MGAT5: variants seen among roughly 807,000 people sequenced by gnomAD.
The protein encoded by MGAT5 is alpha-1,6-mannosylglycoprotein 6-beta-N-acetylglucosaminyltransferase A.
MGAT5 carries 30 observed loss-of-function variants against 94.3 expected under a neutral mutation model. The observed-to-expected ratio is 0.32, with a 90% CI of 0.24 to 0.43. The LOEUF (loss-of-function observed/expected upper bound fraction) is 0.43. Among genes scored for constraint, MGAT5 ranks in the 20% least tolerant of loss-of-function variants. MGAT5 has a pLI of 1.00. For synonymous variants in MGAT5, 310 were observed against 322.9 expected (o/e 0.96, Z 0.43); for missense variants, 691 against 905.5 (o/e 0.76, Z 3.04).
chr2:134,350,057 G>A (rs1165883978), intron 9 of MGAT5, 119 bp downstream of exon 9: 6 of 1,096,136 alleles, frequency 5.5e-6, no homozygotes, highest in East Asian at 2.6e-5. Flanking sequence ...AGTGTGTGCT[G>A]TTGAACCTTT....
chr2:134,367,255 G>A (rs1197729918), intron 10 of MGAT5, among the ~76,000 whole-genome samples: 1 of 152,224 alleles, frequency 6.6e-6, no homozygotes, highest in Non-Finnish European at 1.5e-5. Context: ...ATTGGGGCCA[G>A]ATAGGAAATG....
chr2:134,421,739 G>A (rs1048461047), intron 12 of MGAT5, among the ~76,000 whole-genome samples: 16 of 152,266 alleles, frequency 1.1e-4, no homozygotes, highest in African/African-American at 3.9e-4. Flanking sequence ...ACAGACTAAG[G>A]GTAACATTCT....
intron 4 of MGAT5, among the ~76,000 whole-genome samples, 166 bp from the exon 5 acceptor site, chr2:134,336,051 C>T (rs1300717555): frequency 2.0e-5 from 3 of 151,914 alleles, no homozygotes; most frequent in African/African-American, 7.3e-5. Flanking sequence ...TGAGAGGGCA[C>T]TTGTATCTGG....
At chr2:134,384,462 T>C (rs1012193989) in intron 10 of MGAT5, among the ~76,000 whole-genome samples, 4 of 152,182 alleles carry the variant, frequency 2.6e-5, no homozygotes, top group Admixed American at 2.0e-4. Flanking sequence ...CCTTTGTACA[T>C]AAGAACCAAA....
At chr2:134,402,797 T>C (rs1163139040) in intron 10 of MGAT5, among the ~76,000 whole-genome samples, 191 bp from the exon 11 acceptor site, 1 of 152,228 alleles carries the variant, frequency 6.6e-6, no homozygotes, top group Non-Finnish European at 1.5e-5. Flanking sequence ...TATATGACTG[T>C]TTATGTCCAC....
At chr2:134,207,165 C>A (rs1407508818) in intron 1 of MGAT5, among the ~76,000 whole-genome samples, 7 of 152,154 alleles carry the variant, frequency 4.6e-5, no homozygotes, top group African/African-American at 1.7e-4. Flanking sequence ...CAGTCTTTGA[C>A]ACTTTTTAGA....
At chr2:134,381,540 T>C (rs11897875) in intron 10 of MGAT5, among the ~76,000 whole-genome samples, 1,708 of 13,410 alleles carry the variant, frequency 0.13, 38 homozygotes, top group Middle Eastern at 0.25. Flanking sequence ...GACAGACAGA[T>C]AGATAGATAG....
At chr2:134,163,934 T>C (rs1687853209) in intron 1 of MGAT5, among the ~76,000 whole-genome samples, 1 of 152,208 alleles carries the variant, frequency 6.6e-6, no homozygotes, top group Non-Finnish European at 1.5e-5. Context: ...GGTGCGGAAT[T>C]CAGTTTTAGT....
chr2:134,253,951 C>T (rs977685343), upstream of MGAT5, among the ~76,000 whole-genome samples: 6 of 152,164 alleles, frequency 3.9e-5, no homozygotes, highest in Admixed American at 6.5e-5. Context: ...GCTGACATTC[C>T]GCCAAATATC....
At chr2:134,289,197 C>G (rs150668329) in intron 2 of MGAT5, among the ~76,000 whole-genome samples, 9 of 152,308 alleles carry the variant, frequency 5.9e-5, no homozygotes, top group African/African-American at 2.2e-4. Context: ...AGTCTCTCCT[C>G]TTCCCACATG....
chr2:134,193,979 G>A (rs1342767182), intron 1 of MGAT5, among the ~76,000 whole-genome samples: 1 of 152,166 alleles, frequency 6.6e-6, no homozygotes, highest in Non-Finnish European at 1.5e-5. Context: ...GCTGGACACT[G>A]GTGCCAGATG....
intron 1 of MGAT5, among the ~76,000 whole-genome samples, chr2:134,120,678 T>C (rs1264649608): frequency 6.6e-6 from 1 of 151,058 alleles, no homozygotes; most frequent in Non-Finnish European, 1.5e-5. Context: ...AGATGGGCGC[T>C]CGGACCGCGG....
intron 1 of MGAT5, among the ~76,000 whole-genome samples, chr2:134,184,251 T>A (rs752346036): frequency 6.6e-6 from 1 of 152,224 alleles, no homozygotes; most frequent in Non-Finnish European, 1.5e-5. Context: ...GTTTCAGGGC[T>A]CTTCAAAGTC....
In MGAT5 at chr2:134,441,738, T is replaced by C; in HGVS notation, c.1870-20T>C. The C allele has an allele frequency of 1.3e-6, 2 of 1,599,456 alleles. No homozygotes were observed. The highest frequency in any genetic ancestry group is 1.1e-5 in the South Asian group (1 of 90,266). ...GCTGTATCCTTGGACCTGTGGCTGA[T>C]GGCTTCATTGTCGTTCTAGGACTTC... is the stretch of plus-strand genomic sequence containing the variant. On this transcript the variant is annotated intron_variant, in intron 14 of 15. Coordinates refer to ENST00000281923, the MANE Select transcript of MGAT5 (RefSeq NM_002410.5).
intron 1 of MGAT5, among the ~76,000 whole-genome samples, chr2:134,120,708 C>T (rs990902793): frequency 6.6e-6 from 1 of 151,894 alleles, no homozygotes; most frequent in Middle Eastern, 3.4e-3. Context: ...GTGGGGGTCA[C>T]GCCGCAGGCG....
intron 1 of MGAT5, among the ~76,000 whole-genome samples, chr2:134,131,594 T>C (rs1182809238): frequency 6.8e-6 from 1 of 147,444 alleles, no homozygotes; most frequent in East Asian, 2.0e-4. Context: ...TTTTTTTTTT[T>C]TTTTTTTACT....
intron 1 of MGAT5, among the ~76,000 whole-genome samples, chr2:134,131,569 T>G: frequency 7.8e-6 from 1 of 127,436 alleles, no homozygotes. Flanking sequence ...CTGTGGTAGA[T>G]TGATTTTTTT....
chr2:134,325,699 T>C (rs901236916), intron 4 of MGAT5, among the ~76,000 whole-genome samples: 6 of 152,146 alleles, frequency 3.9e-5, no homozygotes, highest in Non-Finnish European at 7.4e-5. Context: ...TTAAAGTTTA[T>C]TTATTTGAAC....
chr2:134,443,184 T>G (rs567141335), intron 15 of MGAT5, among the ~76,000 whole-genome samples: 30 of 150,544 alleles, frequency 2.0e-4, no homozygotes, highest in African/African-American at 5.9e-4. Context: ...TATGTTTTTT[T>G]TTGTTGTTGT....
Sources: allele counts gnomAD v4.1 joint callset (sites outside exome capture counted in the v4.1 genomes callset), GRCh38; gene constraint gnomAD v4.1.1; transcripts MANE v1.5; gene names NCBI Gene and HGNC (gene_info 2026-07-23, HGNC 2026-07-21).